The following PGM2L1 variants were observed in gnomAD, a reference collection of about 807,000 sequenced individuals.
The protein encoded by PGM2L1 is glucose 1,6-bisphosphate synthase.
Under a neutral mutation model 73.4 loss-of-function variants are expected in PGM2L1, and 35 were observed. The ratio of observed to expected loss-of-function variants is 0.48; its 90% CI spans 0.36 to 0.63. The LOEUF is 0.63. PGM2L1 is among the 30% of genes least tolerant of loss of function. The probability of loss-of-function intolerance (pLI) is 0.00; values close to 1 mark genes in which losing one functional copy is unlikely to be tolerated. For missense variants in PGM2L1, 570 were observed against 742.0 expected (o/e 0.77, Z 2.69); for synonymous variants, 225 against 253.8 (o/e 0.89, Z 1.08).
intron 4 of PGM2L1, among the ~76,000 whole-genome samples, chr11:74,369,627 G>T (rs897955077): frequency 1.3e-5 from 2 of 152,188 alleles, no homozygotes; most frequent in Non-Finnish European, 2.9e-5. Flanking sequence ...TGCTGGAAGT[G>T]AATCCAAACT....
chr11:74,367,839 T>G (rs1862685049), intron 5 of PGM2L1, among the ~76,000 whole-genome samples: 1 of 152,208 alleles, frequency 6.6e-6, no homozygotes, highest in Admixed American at 6.5e-5. Context: ...TGTTCTTCAC[T>G]TAGCTGACCA....
intron 10 of PGM2L1, 100 bp from the exon 11 acceptor site, chr11:74,343,114 G>A (rs1004547767): frequency 2.1e-6 from 3 of 1,433,788 alleles, no homozygotes; most frequent in Non-Finnish European, 2.8e-6. Context: ...TAAAAGCCTA[G>A]TAATAGATGA....
At chr11:74,358,258 T>C (rs1862494048) in intron 5 of PGM2L1, among the ~76,000 whole-genome samples, 1 of 152,164 alleles carries the variant, frequency 6.6e-6, no homozygotes, top group Admixed American at 6.5e-5. Context: ...CAAGTGGGTA[T>C]ATGGGAAATC....
At chr11:74,360,653 C>A (rs1308152755) in intron 5 of PGM2L1, among the ~76,000 whole-genome samples, 2 of 152,136 alleles carry the variant, frequency 1.3e-5, no homozygotes, top group Non-Finnish European at 2.9e-5. Context: ...AATTCCCTTT[C>A]CTGGCAAAGG....
chr11:74,371,731 A>G lies in PGM2L1; in HGVS notation c.366T>C (p.Thr122=), dbSNP rs370744378. ...TGTACCTCTGGCTGCTGCAGCTGCTAGTTACTTGACCCCGAGTGTCATACC... is the reference window on the plus strand; with the variant it reads ...TGTACCTCTGGCTGCTGCAGCTGCTGGTTACTTGACCCCGAGTGTCATACC... ...VVGYDTRGQV[T]SSCSSQRLAK... The change falls in exon 3 of 14, where the codon ACT becomes ACC. Residue 122 remains threonine (T), a synonymous_variant. Coordinates refer to ENST00000298198, the MANE Select transcript of PGM2L1 (RefSeq NM_173582.6). 14 of 1,613,454 alleles carry G rather than the reference A, an allele frequency of 8.7e-6. No homozygotes were observed. The highest frequency in any genetic ancestry group is 1.1e-5 in the South Asian group (1 of 91,070).
Position 74,371,742 on chromosome 11 carries a change from C to G in PGM2L1, c.355G>C (p.Gly119Arg). The part of the protein sequence containing the change: ...RGFVVGYDTR[G>R]QVTSSCSSQR... ...CTGCTGCAGCTGCTAGTTACTTGACCCCGAGTGTCATACCCAACCACAAAG... is the reference window on the plus strand; with the variant it reads ...CTGCTGCAGCTGCTAGTTACTTGACGCCGAGTGTCATACCCAACCACAAAG... The change falls in exon 3 of 14, where the codon GGT (glycine) becomes CGT (arginine). Residue 119 changes from glycine to arginine, a missense_variant. Physicochemically the swap from Gly to Arg is moderately radical, Grantham distance 125. Transcript: ENST00000298198. 6.2e-7 allele frequency: 1 copy of G among 1,613,640 alleles called. No individual in the cohort carries two copies. Among genetic ancestry groups the G allele is most frequent in the South Asian group, 1.1e-5 (1 of 91,044 alleles).
intron 5 of PGM2L1, among the ~76,000 whole-genome samples, chr11:74,364,668 G>A (rs1466804004): frequency 1.3e-5 from 2 of 152,086 alleles, no homozygotes; most frequent in Non-Finnish European, 2.9e-5. Context: ...TGATGTGAAG[G>A]ACCTCTTCAA....
Position 74,372,416 on chromosome 11 carries a change from G to T in PGM2L1, c.280-599C>A, listed in dbSNP as rs528977801. On this transcript the variant is annotated intron_variant, in intron 2 of 13. Transcript: ENST00000298198. ...TTGCAGTCATGGATGACAAAATAATGAAAAAGTATTTCATATTGAAAACAT... is the reference window on the plus strand; with the variant it reads ...TTGCAGTCATGGATGACAAAATAATTAAAAAGTATTTCATATTGAAAACAT... Among the ~76,000 whole-genome samples the T allele has an allele frequency of 4.6e-5, 7 of 152,116 alleles. No homozygotes were observed. In the South Asian group the frequency reaches 1.0e-3, roughly 23 times the overall value.
At chr11:74,383,673 C>A (rs968300551) in intron 1 of PGM2L1, among the ~76,000 whole-genome samples, 1 of 151,804 alleles carries the variant, frequency 6.6e-6, no homozygotes, top group Admixed American at 6.6e-5. Flanking sequence ...GTTCAGCTCC[C>A]ACTTGTAAGT....
intron 8 of PGM2L1, 87 bp from the exon 9 acceptor site, chr11:74,345,736 G>C: frequency 8.4e-7 from 1 of 1,190,396 alleles, no homozygotes; most frequent in Admixed American, 2.3e-5. Context: ...CCATCCTTCA[G>C]TTAGGAAAAA....
chr11:74,383,408 G>A (rs58587692), intron 1 of PGM2L1, among the ~76,000 whole-genome samples: 5,564 of 152,178 alleles, frequency 0.037, 113 homozygotes, highest in Middle Eastern at 0.092. Flanking sequence ...TGTAATCAAG[G>A]AGAAAAGTTT....
chr11:74,371,566 T>A (rs560814), intron 3 of PGM2L1, 145 bp downstream of exon 3: 1 of 585,990 alleles, frequency 1.7e-6, no homozygotes, highest in East Asian at 3.0e-5. Context: ...TTTTCTTCTA[T>A]TTCAGCTTTA....
intron 6 of PGM2L1, among the ~76,000 whole-genome samples, chr11:74,350,751 C>T (rs1862337049): frequency 6.6e-6 from 1 of 152,118 alleles, no homozygotes; most frequent in Non-Finnish European, 1.5e-5. Flanking sequence ...GTAGTGGTTG[C>T]TTGTAGTCCC....
At chr11:74,354,924 A>G (rs1862419658) in intron 5 of PGM2L1, 1 of 884,936 alleles carries the variant, frequency 1.1e-6, no homozygotes, top group Admixed American at 1.7e-5. Flanking sequence ...CTCTGTGGAT[A>G]AGACTGTCAT....
In PGM2L1 at chr11:74,336,100, T is replaced by C. The variant is rs1022725952; in HGVS notation, c.*552A>G. 6.6e-5 allele frequency: 10 copies of C among 152,256 alleles called. No individual in the cohort carries two copies. Among genetic ancestry groups the C allele is most frequent in the Admixed American group, 2.0e-4 (3 of 15,284 alleles). 9.4% of individuals were successfully genotyped at this position (152,256 alleles called of 1,614,324 possible). On this transcript the variant is annotated 3_prime_UTR_variant, in exon 14 of 14. Transcript: ENST00000298198. ...TGCCAAAACCACACACTGTAACATC[T>C]GTTCTAAACTACAGAAATGCTAAAT...
intron 5 of PGM2L1, among the ~76,000 whole-genome samples, chr11:74,358,019 G>A (rs1458071969): frequency 6.6e-6 from 1 of 152,238 alleles, no homozygotes; most frequent in Non-Finnish European, 1.5e-5. Context: ...TAAAGAGGAG[G>A]AATGGATGAA....
In PGM2L1 at chr11:74,374,502, T is replaced by G; in HGVS notation, c.192A>C (p.Arg64=). 12 of 1,614,168 alleles carry G rather than the reference T, an allele frequency of 7.4e-6. No individual in the cohort carries two copies. Among genetic ancestry groups the G allele is most frequent in the Non-Finnish European group, 1.0e-5 (12 of 1,179,994 alleles). ...GAAGTCCTGCAGTCCCAAAAGTCATTCGGCAACAAAGACGATCTCGCAGCT... is the reference window on the plus strand; with the variant it reads ...GAAGTCCTGCAGTCCCAAAAGTCATGCGGCAACAAAGACGATCTCGCAGCT... ...NKELRDRLCC[R]MTFGTAGLRS... Residue 64 remains arginine (R), a synonymous_variant, in exon 2 of 14, where the codon CGA becomes CGC. Transcript: ENST00000298198.
intron 5 of PGM2L1, among the ~76,000 whole-genome samples, chr11:74,359,175 A>G (rs1862512140): frequency 1.3e-5 from 2 of 152,222 alleles, no homozygotes; most frequent in Admixed American, 1.3e-4. Flanking sequence ...TAGATGAATC[A>G]TAATTTATGT....
intron 1 of PGM2L1, among the ~76,000 whole-genome samples, chr11:74,396,410 TTTTTCTTTTC>T (rs1192002789): frequency 2.6e-5 from 4 of 151,922 alleles, no homozygotes; most frequent in Non-Finnish European, 4.4e-5. Context: ...TCATTCTTTT[TTTTTCTTTTC>T]TTTTCTTTTT....
Sources: gnomAD v4.1 joint callset for allele counts (sites outside exome capture counted in the v4.1 genomes callset) on GRCh38, gnomAD v4.1.1 for gene constraint, MANE v1.5 for transcripts, NCBI Gene and HGNC (gene_info 2026-07-23, HGNC 2026-07-21) for gene names.